Variants in CD48 observed in about 807,000 individuals in gnomAD.
CD48 encodes the protein CD48 antigen.
A neutral mutation model predicts 22.0 loss-of-function variants in CD48; 20 were observed. The observed-to-expected ratio is 0.91, with a 90% CI of 0.64 to 1.32. The LOEUF is 1.32. Among genes scored for constraint, CD48 ranks in the 40% most tolerant of loss-of-function variants. CD48 has a pLI of 0.00. For missense variants in CD48, 307 were observed against 286.5 expected, an observed-to-expected ratio of 1.07 and a Z score of -0.52; for synonymous variants, 110 against 110.1, an observed-to-expected ratio of 1.00 and a Z score of 0.01.
intron 1 of CD48, among the ~76,000 whole-genome samples, chr1:160,707,851 C>T (rs181612532): frequency 3.6e-4 from 55 of 152,248 alleles, no homozygotes; most frequent in Admixed American, 2.8e-3. Flanking sequence ...TGCATACATG[C>T]GTACATGAAC....
chr1:160,696,118 T>C (rs1662411764), intron 1 of CD48, among the ~76,000 whole-genome samples: 1 of 152,304 alleles, frequency 6.6e-6, no homozygotes, highest in Admixed American at 6.5e-5. Context: ...TCTAACAGTA[T>C]TTACTGATGG....
At position 160,711,595 on chromosome 1, in the gene CD48, C is replaced by G. The variant is rs554987791; in HGVS notation, c.82+87G>C. On this transcript the variant is annotated intron_variant, in intron 1 of 3. Coordinates refer to ENST00000368046, the MANE Select transcript of CD48 (RefSeq NM_001778.4). ...GCTTTCCAGACACCAGATCTGGCTTCTAGGGTTGAACTACATCCCGTCTCC... is the reference window on the plus strand; with the variant it reads ...GCTTTCCAGACACCAGATCTGGCTTGTAGGGTTGAACTACATCCCGTCTCC... 4.0e-6 allele frequency: 4 copies of G among 994,476 alleles called. No individual in the cohort carries two copies. The South Asian group carries it at 5.3e-5, about 13-fold the overall frequency. 61.6% of individuals were successfully genotyped at this position (994,476 alleles called of 1,614,324 possible). A position where few individuals can be genotyped will look rare whatever the true frequency, so the allele number is the denominator to read the frequency against.
intron 1 of CD48, among the ~76,000 whole-genome samples, chr1:160,692,721 C>T (rs549420413): frequency 2.2e-4 from 33 of 152,274 alleles, no homozygotes; most frequent in Middle Eastern, 6.8e-3. Context: ...GATACTGAGG[C>T]GTGGCAATTC....
intron 2 of CD48, chr1:160,684,116 C>T (rs953612980): frequency 6.6e-6 from 1 of 152,210 alleles, no homozygotes; most frequent in Non-Finnish European, 1.5e-5. Context: ...TCCACAGATT[C>T]CTGAAGCTAG....
chr1:160,708,875 A>G (rs549687429), intron 1 of CD48, among the ~76,000 whole-genome samples: 8 of 152,306 alleles, frequency 5.3e-5, no homozygotes, highest in African/African-American at 1.9e-4. Flanking sequence ...GCTAGCTTAG[A>G]AAAGACCATG....
chr1:160,690,939 C>T (rs188356424), intron 1 of CD48, among the ~76,000 whole-genome samples: 1 of 152,182 alleles, frequency 6.6e-6, no homozygotes, highest in Non-Finnish European at 1.5e-5. Flanking sequence ...CTCTCTGAAA[C>T]ATGTGCTGTG....
At chr1:160,708,958 T>G (rs1481269432) in intron 1 of CD48, among the ~76,000 whole-genome samples, 4 of 152,286 alleles carry the variant, frequency 2.6e-5, no homozygotes, top group African/African-American at 9.6e-5. Flanking sequence ...CACCCAGCAC[T>G]TTGAGCCTCC....
At chr1:160,699,508 A>C (rs1039746084) in intron 1 of CD48, 1 of 152,326 alleles carries the variant, frequency 6.6e-6, no homozygotes, top group Non-Finnish European at 1.5e-5. Flanking sequence ...AGAGGAAAGC[A>C]TGCCTCTTGC....
chr1:160,683,772 TAAC>T (rs993968211), intron 2 of CD48: 6 of 152,174 alleles, frequency 3.9e-5, no homozygotes, highest in African/African-American at 1.4e-4. Context: ...TTGACTCTAA[TAAC>T]ATCCTGAAAG....
intron 1 of CD48, among the ~76,000 whole-genome samples, chr1:160,701,725 C>T (rs1422700880): frequency 1.3e-5 from 2 of 152,072 alleles, no homozygotes; most frequent in Non-Finnish European, 2.9e-5. Context: ...CCTTTTTGAC[C>T]ATCAGGGCCA....
chr1:160,703,469 A>G (rs1183114814), intron 1 of CD48, among the ~76,000 whole-genome samples: 1 of 152,160 alleles, frequency 6.6e-6, no homozygotes, highest in African/African-American at 2.4e-5. Flanking sequence ...CTGGAGAATG[A>G]TAGGTAAAGT....
At chr1:160,706,319 C>A (rs2102439943) in intron 1 of CD48, among the ~76,000 whole-genome samples, 1 of 152,252 alleles carries the variant, frequency 6.6e-6, no homozygotes, top group African/African-American at 2.4e-5. Flanking sequence ...GGTGATCCAC[C>A]TGCTTCGGCC....
At position 160,678,862 on chromosome 1, in the gene CD48, C is replaced by T. The variant is rs1454898052; in HGVS notation, c.*190G>A. The stretch of plus-strand genomic sequence containing the variant: ...ATGTGTATCTCTATATCTCTGTGTA[C>T]TAGAAAACAACAAAGGGATATAAAA... On this transcript the variant is annotated 3_prime_UTR_variant, in exon 4 of 4. Transcript: ENST00000368046. 4 of 554,506 alleles carry T rather than the reference C, an allele frequency of 7.2e-6. No homozygotes were observed. Among genetic ancestry groups the T allele is most frequent in the Non-Finnish European group, 1.3e-5 (4 of 310,040 alleles). The allele number at this position is 554,506 out of a possible 1,614,324, so 34.3% of individuals were successfully genotyped here. A position where few individuals can be genotyped will look rare whatever the true frequency, so the allele number is the denominator to read the frequency against.
chr1:160,684,635 T>C (rs1321988190), intron 2 of CD48: 17 of 1,220,218 alleles, frequency 1.4e-5, no homozygotes, highest in Non-Finnish European at 1.8e-5. Context: ...AAATCTCTAG[T>C]TTTCCTTCTC....
chr1:160,699,189 G>A lies in CD48; in HGVS notation c.82+12493C>T, dbSNP rs529331742. The A allele has an allele frequency of 2.5e-4, 39 of 154,516 alleles. 1 individual carries two copies. In the South Asian group the frequency reaches 6.3e-3, roughly 25 times the overall value. The allele number at this position is 154,516 out of a possible 1,614,324, so 9.6% of individuals were successfully genotyped here. On this transcript the variant is annotated intron_variant, in intron 1 of 3. Coordinates refer to ENST00000368046, the MANE Select transcript of CD48 (RefSeq NM_001778.4). ...AATCTATGACCTTACCCCCAACCCC[G>A]TGCTCTCTGAAACATGTGCTGTGTC...
chr1:160,710,068 A>C (rs1405783474), intron 1 of CD48, among the ~76,000 whole-genome samples: 1 of 152,220 alleles, frequency 6.6e-6, no homozygotes, highest in African/African-American at 2.4e-5. Flanking sequence ...AGGCATGTAC[A>C]TAAGCCCAGA....
At chr1:160,690,018 G>C (rs1359497052) in intron 1 of CD48, among the ~76,000 whole-genome samples, 1 of 152,186 alleles carries the variant, frequency 6.6e-6, no homozygotes, top group Middle Eastern at 3.2e-3. Flanking sequence ...TTGGGAGTGT[G>C]GAGTAGTTAA....
chr1:160,679,214 G>C, intron 3 of CD48, 83 bp from the exon 4 acceptor site: 1 of 1,047,020 alleles, frequency 9.6e-7, no homozygotes, highest in East Asian at 2.4e-5. Flanking sequence ...ACTGGACACT[G>C]GTGTGGGAGC....
At chr1:160,706,019 T>C (rs1207845972) in intron 1 of CD48, among the ~76,000 whole-genome samples, 2 of 152,268 alleles carry the variant, frequency 1.3e-5, no homozygotes, top group African/African-American at 4.8e-5. Flanking sequence ...CTCAGGAAGA[T>C]AGCACAATCC....
Sources: gnomAD v4.1 joint callset for allele counts (sites outside exome capture counted in the v4.1 genomes callset) on GRCh38, gnomAD v4.1.1 for gene constraint, MANE v1.5 for transcripts, NCBI Gene and HGNC (gene_info 2026-07-23, HGNC 2026-07-21) for gene names.